The following PMM2 variants were observed in gnomAD, a reference collection of about 807,000 sequenced individuals.
PMM2 encodes the protein mannose-6-phosphate isomerase.
A neutral mutation model predicts 33.2 loss-of-function variants in PMM2; 35 were observed. That is an observed-to-expected ratio of 1.06 (90% confidence interval 0.81 to 1.40). The LOEUF (loss-of-function observed/expected upper bound fraction) is 1.40. Ranked by LOEUF, PMM2 falls within the 40% of genes most tolerant of loss-of-function variation. The pLI is 0.00. For synonymous variants in PMM2, 153 were observed against 114.7 expected (o/e 1.33, Z -2.13); for missense variants, 386 against 306.0 (o/e 1.26, Z -1.95).
At chr16:8,838,973 C>G (rs1403674488) in intron 7 of PMM2, among the ~76,000 whole-genome samples, 3 of 151,948 alleles carry the variant, frequency 2.0e-5, no homozygotes, top group Non-Finnish European at 4.4e-5. Context: ...GCTAAAGAGT[C>G]AACTTGGGCC....
intron 2 of PMM2, among the ~76,000 whole-genome samples, chr16:8,804,057 TAGAC>T (rs758036562): frequency 6.5e-4 from 95 of 145,122 alleles, no homozygotes; most frequent in African/African-American, 8.9e-4. Context: ...TTTTTGACGT[TAGAC>T]AGAGTCTTGC....
intron 1 of PMM2, among the ~76,000 whole-genome samples, chr16:8,798,444 G>C (rs561859700): frequency 6.6e-6 from 1 of 152,136 alleles, no homozygotes; most frequent in Non-Finnish European, 1.5e-5. Flanking sequence ...AACATCTACA[G>C]CTTTAAATGG....
chr16:8,839,838 G>T (rs1299616082), intron 7 of PMM2, among the ~76,000 whole-genome samples: 2 of 149,750 alleles, frequency 1.3e-5, no homozygotes, highest in South Asian at 4.3e-4. Context: ...CACAGGCATA[G>T]TAGTTTGTGT....
At chr16:8,838,541 AC>A (rs2060867733) in intron 7 of PMM2, among the ~76,000 whole-genome samples, 1 of 151,876 alleles carries the variant, frequency 6.6e-6, no homozygotes, top group African/African-American at 2.4e-5. Context: ...CGGCGTGGGA[AC>A]CTAGAGTGGG....
chr16:8,801,842 A>T lies in PMM2; in HGVS notation c.110A>T (p.Gln37Leu), dbSNP rs2304472. 5.5e-4 allele frequency: 886 copies of T among 1,612,446 alleles called. 16 individuals carry two copies. In the East Asian group the frequency reaches 0.018, roughly 32 times the overall value. ...GATGACTTCCTACAAAAATTGAGGCAGAAGATCAAAATCGGAGTGGTAGGC... is the reference window on the plus strand; with the variant it reads ...GATGACTTCCTACAAAAATTGAGGCTGAAGATCAAAATCGGAGTGGTAGGC... ...EMDDFLQKLRQKIKIGVVGGS... is the reference protein window; with the variant it reads ...EMDDFLQKLRLKIKIGVVGGS... Residue 37 changes from glutamine to leucine, a missense_variant, in exon 2 of 8, where the codon CAG (glutamine) becomes CTG (leucine). By Grantham distance (113) the Gln-to-Leu change is moderately radical (BLOSUM62 -2). Transcript: ENST00000268261.
chr16:8,830,975 C>G (rs933599451), intron 7 of PMM2, among the ~76,000 whole-genome samples: 6 of 152,140 alleles, frequency 3.9e-5, no homozygotes, highest in Non-Finnish European at 8.8e-5. Context: ...CCCGCCTCTA[C>G]TAAAAGTACA....
At position 8,819,652 on chromosome 16, in the gene PMM2, G is replaced by A. The variant is rs144721070; in HGVS notation, c.639+6546G>A. Among the ~76,000 whole-genome samples the A allele has an allele frequency of 4.8e-3, 718 of 150,034 alleles. 4 individuals are homozygous for A. Among genetic ancestry groups the A allele is most frequent in the African/African-American group, 0.017 (693 of 40,718 alleles). ...CAAGATTATAGTGAGCCACGATTGC[G>A]CCACTGCACTCCAGCCTAGGCAACA... On this transcript the variant is annotated intron_variant, in intron 7 of 7. Coordinates refer to ENST00000268261, the MANE Select transcript of PMM2 (RefSeq NM_000303.3).
chr16:8,811,773 G>A (rs2060679333), intron 6 of PMM2, 60 bp downstream of exon 6: 2 of 1,120,348 alleles, frequency 1.8e-6, no homozygotes, highest in African/African-American at 1.5e-5. Flanking sequence ...GTTTGTTGTG[G>A]GCCAGTGAGC....
In PMM2 at chr16:8,847,707, A is replaced by C. The variant is rs770629418; in HGVS notation, c.640-17A>C. Reference sequence around the variant, plus strand: ...CAGACGAGGGGGAGCCTTCATCTGTACTTCGTGTCTTTCCAGGGTGGCAAT... The same window carrying C: ...CAGACGAGGGGGAGCCTTCATCTGTCCTTCGTGTCTTTCCAGGGTGGCAAT... On this transcript the variant is annotated splice_polypyrimidine_tract_variant and intron_variant, in intron 7 of 7. Coordinates refer to ENST00000268261, the MANE Select transcript of PMM2 (RefSeq NM_000303.3). 52 of 1,589,398 alleles carry C rather than the reference A, an allele frequency of 3.3e-5. No homozygotes were observed. The highest frequency in any genetic ancestry group is 4.2e-5 in the Non-Finnish European group (49 of 1,157,784).
At chr16:8,803,014 T>A (rs1162748230) in intron 2 of PMM2, among the ~76,000 whole-genome samples, 1 of 152,014 alleles carries the variant, frequency 6.6e-6, no homozygotes, top group Non-Finnish European at 1.5e-5. Context: ...CATTGTAGGG[T>A]CTTTAGCAAC....
At chr16:8,817,930 G>C (rs1173625125) in intron 7 of PMM2, among the ~76,000 whole-genome samples, 1 of 143,538 alleles carries the variant, frequency 7.0e-6, no homozygotes, top group African/African-American at 2.6e-5. Context: ...TTGAGACAGA[G>C]TCTTGCTCTG....
intron 7 of PMM2, chr16:8,832,404 C>A (rs940258755): frequency 1.0e-6 from 1 of 985,300 alleles, no homozygotes; most frequent in South Asian, 4.7e-5. Flanking sequence ...TATTAAGTGT[C>A]AGCGAGTTAC....
At chr16:8,819,708 A>AT (rs1364814241) in intron 7 of PMM2, among the ~76,000 whole-genome samples, 21 of 151,590 alleles carry the variant, frequency 1.4e-4, no homozygotes, top group Non-Finnish European at 2.8e-4. Flanking sequence ...AAAAAAAAAA[A>AT]AACAATAAAA....
At chr16:8,844,445 A>G (rs2060911009) in intron 7 of PMM2, among the ~76,000 whole-genome samples, 1 of 152,088 alleles carries the variant, frequency 6.6e-6, no homozygotes, top group Admixed American at 6.5e-5. Context: ...TCCCCCAGAA[A>G]AGCGGGACTT....
At position 8,831,379 on chromosome 16, in the gene PMM2, C is replaced by A. The variant is rs150530834; in HGVS notation, c.640-16345C>A. On this transcript the variant is annotated intron_variant, in intron 7 of 7. Transcript: ENST00000268261. ...AAACAACCAAAATAAACATCCATAGCAAGAATCGACTATAAGGCATGGTGG... is the reference window on the plus strand; with the variant it reads ...AAACAACCAAAATAAACATCCATAGAAAGAATCGACTATAAGGCATGGTGG... Among the ~76,000 whole-genome samples, 30 of 151,936 alleles carry A rather than the reference C, an allele frequency of 2.0e-4. No homozygotes were observed. The East Asian group carries it at 5.3e-3, about 27-fold the overall frequency.
intron 7 of PMM2, among the ~76,000 whole-genome samples, chr16:8,827,795 T>TATATA (rs1263719816): frequency 3.4e-5 from 2 of 59,190 alleles, no homozygotes; most frequent in Non-Finnish European, 6.6e-5. Flanking sequence ...TATATATATT[T>TATATA]ATACATATTT....
At chr16:8,816,531 A>C (rs969962039) in intron 7 of PMM2, among the ~76,000 whole-genome samples, 1 of 151,274 alleles carries the variant, frequency 6.6e-6, no homozygotes. Flanking sequence ...ACCTGAGGTC[A>C]GGAGTTCCGA....
chr16:8,803,237 C>T (rs927788887), intron 2 of PMM2, among the ~76,000 whole-genome samples: 6 of 152,208 alleles, frequency 3.9e-5, no homozygotes, highest in African/African-American at 1.4e-4. Flanking sequence ...GTAATCTCTG[C>T]AATCTCTTTA....
intron 7 of PMM2, among the ~76,000 whole-genome samples, chr16:8,827,812 T>TGTATAA (rs142605772): frequency 3.2e-3 from 248 of 78,428 alleles, no homozygotes; most frequent in East Asian, 5.8e-3. Flanking sequence ...ATTTATATAT[T>TGTATAA]TATATAATAT....
Sources: gnomAD v4.1 joint callset for allele counts (sites outside exome capture counted in the v4.1 genomes callset) on GRCh38, gnomAD v4.1.1 for gene constraint, MANE v1.5 for transcripts, NCBI Gene and HGNC (gene_info 2026-07-23, HGNC 2026-07-21) for gene names.